The following PALS2 variants were observed in gnomAD, a reference collection of about 807,000 sequenced individuals.
PALS2 encodes the protein protein PALS2.
In PALS2, 27 loss-of-function variants were observed where a neutral mutation model predicts 61.6. The observed-to-expected ratio is 0.44, with a 90% CI of 0.32 to 0.60. The LOEUF (loss-of-function observed/expected upper bound fraction) is 0.60, where lower values mean the gene tolerates loss of function less well. PALS2 is among the 20% of genes least tolerant of loss of function. PALS2 has a pLI of 0.05. For missense variants in PALS2, 554 were observed against 639.4 expected, an observed-to-expected ratio of 0.87 and a Z score of 1.44; for synonymous variants, 236 against 218.6, an observed-to-expected ratio of 1.08 and a Z score of -0.70.
intron 11 of PALS2, among the ~76,000 whole-genome samples, chr7:24,686,997 T>C (rs539350308): frequency 1.8e-4 from 27 of 152,316 alleles, no homozygotes; most frequent in African/African-American, 4.8e-4. Flanking sequence ...TCTGATCTTA[T>C]AGAGAGGTAG....
intron 5 of PALS2, among the ~76,000 whole-genome samples, chr7:24,661,062 A>C (rs1032410357): frequency 6.6e-6 from 1 of 152,210 alleles, no homozygotes; most frequent in Non-Finnish European, 1.5e-5. Context: ...TAAGAATATG[A>C]AATAGAAATA....
intron 2 of PALS2, chr7:24,624,236 T>G: frequency 1.3e-6 from 1 of 796,452 alleles, no homozygotes; most frequent in South Asian, 2.0e-5. Flanking sequence ...TTAAGTCTGT[T>G]TCCCTAGTCA....
chr7:24,624,648 C>A (rs1784662777), intron 2 of PALS2, among the ~76,000 whole-genome samples: 1 of 132,810 alleles, frequency 7.5e-6, no homozygotes, highest in African/African-American at 3.1e-5. Context: ...ACTTTGTCTC[C>A]CAGGCTGGAG....
chr7:24,656,440 A>T (rs1453773660), intron 5 of PALS2, among the ~76,000 whole-genome samples: 1 of 152,226 alleles, frequency 6.6e-6, no homozygotes, highest in Non-Finnish European at 1.5e-5. Context: ...GTACAATTTG[A>T]TACATGTGGA....
At position 24,620,655 on chromosome 7, in the gene PALS2, G is replaced by A. The variant is rs184734393; in HGVS notation, c.-2-3011G>A. Among the ~76,000 whole-genome samples the A allele has an allele frequency of 3.3e-5, 5 of 152,174 alleles. No homozygotes were observed. In the East Asian group the frequency reaches 5.8e-4, roughly 18 times the overall value. On this transcript the variant is annotated intron_variant, in intron 1 of 11. Transcript: ENST00000222644. ...TTTAAAAATCTTCAGTACAACTGGCGTTATGAACACTGACTAAACATTTGA... is the reference window on the plus strand; with the variant it reads ...TTTAAAAATCTTCAGTACAACTGGCATTATGAACACTGACTAAACATTTGA...
At chr7:24,635,124 G>C (rs1238115971) in intron 2 of PALS2, among the ~76,000 whole-genome samples, 1 of 152,198 alleles carries the variant, frequency 6.6e-6, no homozygotes, top group African/African-American at 2.4e-5. Context: ...TAGGATTCCA[G>C]TAGGCATTGC....
intron 1 of PALS2, among the ~76,000 whole-genome samples, chr7:24,583,778 A>G (rs1782944534): frequency 6.6e-6 from 1 of 151,896 alleles, no homozygotes; most frequent in African/African-American, 2.4e-5. Context: ...GTCATCTAGC[A>G]TTAGGTATAT....
chr7:24,649,823 A>T, intron 4 of PALS2, 59 bp downstream of exon 4: 1 of 1,401,940 alleles, frequency 7.1e-7, no homozygotes, highest in South Asian at 1.7e-5. Flanking sequence ...TTTGTGGTTC[A>T]GTCACTACTC....
At chr7:24,646,940 A>C (rs1003240043) in intron 3 of PALS2, among the ~76,000 whole-genome samples, 3 of 152,106 alleles carry the variant, frequency 2.0e-5, no homozygotes, top group African/African-American at 7.2e-5. Context: ...TGTGCATGGA[A>C]GTGTTCATAG....
chr7:24,623,570 A>G, intron 1 of PALS2, 96 bp from the exon 2 acceptor site: 1 of 630,562 alleles, frequency 1.6e-6, no homozygotes, highest in Non-Finnish European at 2.7e-6. Flanking sequence ...GTCTAGTTGC[A>G]TTATTAAAAT....
intron 1 of PALS2, among the ~76,000 whole-genome samples, chr7:24,578,057 C>T (rs1297016842): frequency 6.6e-6 from 1 of 152,020 alleles, no homozygotes. Context: ...GATCCTCCCA[C>T]CTCAGCCTCC....
chr7:24,655,360 A>T (rs1466938452), intron 5 of PALS2, among the ~76,000 whole-genome samples: 6 of 152,194 alleles, frequency 3.9e-5, no homozygotes, highest in African/African-American at 1.4e-4. Flanking sequence ...ATGCAGTAGA[A>T]CTATAATCAA....
intron 5 of PALS2, among the ~76,000 whole-genome samples, chr7:24,660,245 A>G (rs1218547428): frequency 7.8e-6 from 1 of 128,612 alleles, no homozygotes; most frequent in Non-Finnish European, 1.5e-5. Context: ...AATCATTCCC[A>G]TGGTTTGAAA....
intron 11 of PALS2, among the ~76,000 whole-genome samples, chr7:24,685,044 A>G (rs1788123396): frequency 6.6e-6 from 1 of 151,890 alleles, no homozygotes; most frequent in South Asian, 2.1e-4. Flanking sequence ...TGCCGCACAG[A>G]TCAACCCATC....
intron 8 of PALS2, 21 bp from the exon 9 acceptor site, chr7:24,668,478 C>T: frequency 1.2e-6 from 2 of 1,602,254 alleles, no homozygotes; most frequent in Non-Finnish European, 1.7e-6. Flanking sequence ...ACTTTGTATT[C>T]CCATTTCCTT....
intron 8 of PALS2, among the ~76,000 whole-genome samples, chr7:24,668,032 T>G (rs1460732169): frequency 2.0e-5 from 3 of 151,902 alleles, no homozygotes; most frequent in Non-Finnish European, 4.4e-5. Flanking sequence ...TAAAATAATT[T>G]ACTGGGGCAG....
chr7:24,607,779 AGATAAATTTT>A (rs1783972072), intron 1 of PALS2, among the ~76,000 whole-genome samples: 1 of 152,012 alleles, frequency 6.6e-6, no homozygotes, highest in Non-Finnish European at 1.5e-5. Context: ...AGGACAGACG[AGATAAATTTT>A]GATGCATGCA....
intron 1 of PALS2, among the ~76,000 whole-genome samples, chr7:24,585,325 C>T (rs996080613): frequency 1.3e-5 from 2 of 151,938 alleles, no homozygotes; most frequent in African/African-American, 4.8e-5. Flanking sequence ...TGTTTGTATC[C>T]TCTTTTATTT....
At chr7:24,574,022 G>C (rs1271967258) in intron 1 of PALS2, 1 of 152,176 alleles carries the variant, frequency 6.6e-6, no homozygotes, top group Non-Finnish European at 1.5e-5. Flanking sequence ...CGGGAGTCGC[G>C]GTGGAGCCTG....
Sources: gnomAD v4.1 joint callset for allele counts (sites outside exome capture counted in the v4.1 genomes callset) on GRCh38, gnomAD v4.1.1 for gene constraint, MANE v1.5 for transcripts, NCBI Gene and HGNC (gene_info 2026-07-23, HGNC 2026-07-21) for gene names.